The following KIF17 variants were observed in gnomAD, a reference collection of about 807,000 sequenced individuals.
The protein encoded by KIF17 is kinesin-like protein KIF17.
In KIF17, 80 loss-of-function variants were observed where a neutral mutation model predicts 96.8. That is an observed-to-expected ratio of 0.83 (90% confidence interval 0.69 to 1.00). The LOEUF (loss-of-function observed/expected upper bound fraction) is 1.00, where lower values mean the gene tolerates loss of function less well. Among genes scored for constraint, KIF17 ranks in the 50% least tolerant of loss-of-function variants. The probability of loss-of-function intolerance (pLI) is 0.00; values close to 1 mark genes in which losing one functional copy is unlikely to be tolerated. For synonymous variants in KIF17, 567 were observed against 587.5 expected (o/e 0.97, Z 0.51); for missense variants, 1,280 against 1,372.9 (o/e 0.93, Z 1.07).
At chr1:20,696,323 A>C (rs572481967) in intron 6 of KIF17, among the ~76,000 whole-genome samples, 1 of 152,296 alleles carries the variant, frequency 6.6e-6, no homozygotes, top group South Asian at 2.1e-4. Flanking sequence ...GTTGAGAAAA[A>C]GAACAAATGG....
At chr1:20,698,813 C>T (rs1007431702) in intron 5 of KIF17, among the ~76,000 whole-genome samples, 1 of 152,074 alleles carries the variant, frequency 6.6e-6, no homozygotes, top group African/African-American at 2.4e-5. Context: ...CCTCTCCACT[C>T]CAGCCCTGCC....
rs140859906 is a variant in KIF17 at position 20,701,104 on chromosome 1, G to A, written c.1124-2616C>T. ...CACGATGGGCTTTCCTTTCAGTGGC[G>A]CGGATCTCTGTGCTGTCACCCAGTC... On this transcript the variant is annotated intron_variant, in intron 5 of 14. Transcript: ENST00000400463. Among the ~76,000 whole-genome samples, 24 of 152,200 alleles carry A rather than the reference G, an allele frequency of 1.6e-4. No homozygotes were observed. The South Asian group carries it at 3.1e-3, about 20-fold the overall frequency.
At chr1:20,671,805 C>T (rs999088686) in intron 12 of KIF17, 133 bp downstream of exon 12, 14 of 1,084,148 alleles carry the variant, frequency 1.3e-5, no homozygotes, top group East Asian at 4.7e-5. Context: ...AGAGTCCTGA[C>T]GCATCAGGTA....
intron 12 of KIF17, 98 bp downstream of exon 12, chr1:20,671,840 C>T (rs1435435847): frequency 3.4e-6 from 5 of 1,460,748 alleles, no homozygotes; most frequent in South Asian, 1.2e-5. Flanking sequence ...TCTTCTACAC[C>T]CACAGCCTGC....
In KIF17 at chr1:20,700,859, C is replaced by T. The variant is rs2054222000; in HGVS notation, c.1124-2371G>A. ...CCCCTGCCCTGAACAGGCCCAGGGC[C>T]AGGCAGAGACAACCAGGAACAGCCC... On this transcript the variant is annotated intron_variant, in intron 5 of 14. Coordinates refer to ENST00000400463, the MANE Select transcript of KIF17 (RefSeq NM_001122819.3). The surrounding 1 kb of genome is among the most constrained non-coding windows in gnomAD (Gnocchi z 4.6). Among the ~76,000 whole-genome samples the T allele has an allele frequency of 6.6e-6, 1 of 152,272 alleles. No homozygotes were observed. Among genetic ancestry groups the T allele is most frequent in the Middle Eastern group, 3.4e-3 (1 of 294 alleles).
Position 20,664,708 on chromosome 1 carries a change from ATGGCAGAGTTGT to A in KIF17, c.2951_2962del (p.Asn984_Ala987del). The A allele has an allele frequency of 6.2e-7, 1 of 1,612,096 alleles. No homozygotes were observed. The highest frequency in any genetic ancestry group is 8.5e-7 in the Non-Finnish European group (1 of 1,179,696). On this transcript the variant is annotated inframe_deletion, in exon 15 of 15. Coordinates refer to ENST00000400463, the MANE Select transcript of KIF17 (RefSeq NM_001122819.3). ...CATTTCAGGGGCCTGGGTGGGTGGG[ATGGCAGAGTTGT>A]TGCTGAGTGGGCAGCTGAGGCCTGG...
intron 11 of KIF17, among the ~76,000 whole-genome samples, chr1:20,673,633 C>T (rs1273183974): frequency 6.7e-6 from 1 of 149,732 alleles, no homozygotes; most frequent in African/African-American, 2.5e-5. Context: ...AGGGTTTGAG[C>T]GATTGTTATG....
In KIF17 at chr1:20,717,871, G is replaced by A. The variant is rs1449005717; in HGVS notation, c.-165C>T. 2 of 169,740 alleles carry A rather than the reference G, an allele frequency of 1.2e-5. No individual in the cohort carries two copies. Among genetic ancestry groups the A allele is most frequent in the South Asian group, 7.8e-4 (2 of 2,554 alleles). The allele number at this position is 169,740 out of a possible 1,614,324, so 10.5% of individuals were successfully genotyped here. ...CGGGGACCCCTCGGGGGGCGCCCCG[G>A]AGGGGAGCTGGGCGTCGCAGGACCC... On this transcript the variant is annotated 5_prime_UTR_variant, in exon 1 of 15. Transcript: ENST00000400463.
intron 14 of KIF17, among the ~76,000 whole-genome samples, chr1:20,665,897 A>AAACCC (rs113456086): frequency 0.012 from 1,831 of 152,332 alleles, 36 homozygotes; most frequent in African/African-American, 0.041. Context: ...GCGCGTAACT[A>AAACCC]GTGAGGCCTA....
chr1:20,675,223 G>A (rs564442019), intron 11 of KIF17, among the ~76,000 whole-genome samples: 5 of 151,370 alleles, frequency 3.3e-5, no homozygotes, highest in East Asian at 3.9e-4. Flanking sequence ...TGAGGAGGGC[G>A]GATCACAAGG....
Position 20,685,735 on chromosome 1 carries a change from C to T in KIF17, c.2019+311G>A, listed in dbSNP as rs1190320219. Among the ~76,000 whole-genome samples the T allele has an allele frequency of 2.0e-5, 3 of 152,180 alleles. No homozygotes were observed. Among genetic ancestry groups the T allele is most frequent in the African/African-American group, 7.2e-5 (3 of 41,434 alleles). ...GATGGTGTCATAGGGGCCACCAGCCCTGACCTGCAGCCCTCGTCCTTTGCA... is the reference window on the plus strand; with the variant it reads ...GATGGTGTCATAGGGGCCACCAGCCTTGACCTGCAGCCCTCGTCCTTTGCA... On this transcript the variant is annotated intron_variant, in intron 9 of 14. Transcript: ENST00000400463. This position sits in a 1 kb window ranked among gnomAD's most constrained non-coding sequence, Gnocchi z 4.1.
In KIF17 at chr1:20,688,369, G is replaced by C. The variant is rs572347514; in HGVS notation, c.1382-425C>G. On this transcript the variant is annotated intron_variant, in intron 7 of 14. Coordinates refer to ENST00000400463, the MANE Select transcript of KIF17 (RefSeq NM_001122819.3). ...TGGCCCAAGCCCACTGTTTCTAAAA[G>C]ACCAGCTTAAGAGTCAGAGCCTCCC... is the stretch of plus-strand genomic sequence containing the variant. 4.6e-5 allele frequency among the ~76,000 whole-genome samples: 7 copies of C among 152,278 alleles called. No homozygotes were observed. In the South Asian group the frequency reaches 1.0e-3, roughly 23 times the overall value.
rs2053486767 is a variant in KIF17, at chr1:20,664,383, A to G, written c.*201T>C. 1 of 1,471,406 alleles carries G rather than the reference A, an allele frequency of 6.8e-7. No homozygotes were observed. The highest frequency in any genetic ancestry group is 9.0e-7 in the Non-Finnish European group (1 of 1,116,142). 91.1% of individuals were successfully genotyped at this position (1,471,406 alleles called of 1,614,324 possible). A position where few individuals can be genotyped will look rare whatever the true frequency, so the allele number is the denominator to read the frequency against. On this transcript the variant is annotated 3_prime_UTR_variant, in exon 15 of 15. Coordinates refer to ENST00000400463, the MANE Select transcript of KIF17 (RefSeq NM_001122819.3). ...AGCAGGCCTCTCTAAGGAGGACTAT[A>G]CAGCCTCCGAGGGGCTCCTGCCCAG...
chr1:20,690,668 A>T (rs1160908780), intron 6 of KIF17, among the ~76,000 whole-genome samples: 1 of 151,394 alleles, frequency 6.6e-6, no homozygotes, highest in African/African-American at 2.4e-5. Context: ...GACTATGGGC[A>T]TGCCACCATC....
rs1557583858 is a variant in KIF17, at chr1:20,673,794, G to C, written c.2464-1598C>G. ...GATCCACCCACCTCGGCCTCCCAAA[G>C]TGTTGGGATTACAGGTGAGCCACCG... On this transcript the variant is annotated intron_variant, in intron 11 of 14. Transcript: ENST00000400463. Among the ~76,000 whole-genome samples, 4 of 152,080 alleles carry C rather than the reference G, an allele frequency of 2.6e-5. No homozygotes were observed. The South Asian group carries it at 8.3e-4, about 32-fold the overall frequency.
chr1:20,702,421 C>A (rs1320956337), intron 5 of KIF17, among the ~76,000 whole-genome samples: 1 of 152,180 alleles, frequency 6.6e-6, no homozygotes, highest in Non-Finnish European at 1.5e-5. Context: ...GGCCGAGCCT[C>A]CCCCACTCCC....
intron 3 of KIF17, among the ~76,000 whole-genome samples, chr1:20,712,893 A>ATATCT (rs1557607156): frequency 1.1e-5 from 1 of 90,016 alleles, no homozygotes; most frequent in African/African-American, 5.8e-5. Context: ...TAATATAGAT[A>ATATCT]ATATTATCTA....
chr1:20,682,630 G>T lies in KIF17; in HGVS notation c.2463+23C>A, dbSNP rs555878262. 69 of 1,605,802 alleles carry T rather than the reference G, an allele frequency of 4.3e-5. No individual in the cohort carries two copies. The South Asian group carries it at 7.3e-4, about 17-fold the overall frequency. Reference sequence around the variant, plus strand: ...CACCCATCTCTGGGCAGCTGGGCATGGGGGGCTGCATCTGGGCCTCACCTT... The same window carrying T: ...CACCCATCTCTGGGCAGCTGGGCATTGGGGGCTGCATCTGGGCCTCACCTT... On this transcript the variant is annotated intron_variant, in intron 11 of 14. Transcript: ENST00000400463.
Position 20,700,629 on chromosome 1 carries a change from G to C in KIF17, c.1124-2141C>G, listed in dbSNP as rs2054217452. ...GAATTCAGAGGACATGGTATAGTAT[G>C]TTTTACTTCTTTTCTACATTGCTTT... is the stretch of plus-strand genomic sequence containing the variant. On this transcript the variant is annotated intron_variant, in intron 5 of 14. Transcript: ENST00000400463. This position sits in a 1 kb window ranked among gnomAD's most constrained non-coding sequence, Gnocchi z 4.6. 6.6e-6 allele frequency among the ~76,000 whole-genome samples: 1 copy of C among 152,186 alleles called. No individual in the cohort carries two copies. The highest frequency in any genetic ancestry group is 6.5e-5 in the Admixed American group (1 of 15,272).
Sources: gnomAD v4.1 joint callset for allele counts (sites outside exome capture counted in the v4.1 genomes callset) on GRCh38, gnomAD v4.1.1 for gene constraint, Gnocchi (gnomAD v3.1) non-coding constraint, MANE v1.5 for transcripts, NCBI Gene and HGNC (gene_info 2026-07-23, HGNC 2026-07-21) for gene names.